The following MPDZ variants were observed in gnomAD, a reference collection of about 807,000 sequenced individuals.
MPDZ encodes the protein multiple PDZ domain crumbs cell polarity complex component.
MPDZ carries 234 observed loss-of-function variants against 239.1 expected under a neutral mutation model. The ratio of observed to expected loss-of-function variants is 0.98; its 90% confidence interval spans 0.88 to 1.09. The LOEUF (loss-of-function observed/expected upper bound fraction) is 1.09. Among genes scored for constraint, MPDZ ranks in the 50% least tolerant of loss-of-function variants. The pLI is 0.00. For missense variants in MPDZ, 3,175 were observed against 2,510.0 expected (o/e 1.26, Z -5.66); for synonymous variants, 1,048 against 881.3 (o/e 1.19, Z -3.35).
chr9:13,186,336 G>T lies in MPDZ; in HGVS notation c.2415C>A (p.Tyr805Ter), dbSNP rs373585889. Reference sequence around the variant, plus strand: ...CTGCTTCCTCACAGGAGTGTGGTGGGTAGAGAAAGGAATCCTCCTTAGCAG... The same window carrying T: ...CTGCTTCCTCACAGGAGTGTGGTGGTTAGAGAAAGGAATCCTCCTTAGCAG... ...YVSAKEDSFL[Y>*]PPHSCEEAGL... Residue 805 changes from tyrosine to a stop codon, truncating the protein, a stop_gained, in exon 18 of 47, where the codon TAC becomes TAA. Transcript: ENST00000319217. LOFTEE classifies it high-confidence loss of function. The T allele has an allele frequency of 1.3e-6, 2 of 1,593,938 alleles. No individual in the cohort carries two copies. The highest frequency in any genetic ancestry group is 1.7e-6 in the Non-Finnish European group (2 of 1,169,670).
intron 26 of MPDZ, among the ~76,000 whole-genome samples, chr9:13,145,624 T>C (rs908364129): frequency 3.3e-5 from 5 of 152,050 alleles, no homozygotes; most frequent in Non-Finnish European, 7.4e-5. Context: ...TATCTCATTT[T>C]AAATGCAAAA....
intron 3 of MPDZ, among the ~76,000 whole-genome samples, chr9:13,233,707 T>C (rs988790731): frequency 6.6e-6 from 1 of 152,158 alleles, no homozygotes; most frequent in Non-Finnish European, 1.5e-5. Flanking sequence ...GGCATTCCAG[T>C]GAATGATGTA....
intron 38 of MPDZ, chr9:13,120,749 A>T (rs1299625668): frequency 6.6e-6 from 1 of 152,184 alleles, no homozygotes. Flanking sequence ...AATTCTGAAG[A>T]ATGCCTATTT....
chr9:13,189,998 G>C (rs1286527761), intron 16 of MPDZ, 116 bp downstream of exon 16: 21 of 882,348 alleles, frequency 2.4e-5, no homozygotes, highest in Non-Finnish European at 2.3e-5. Flanking sequence ...TCACTATTTT[G>C]AAAGACTGAC....
chr9:13,115,970 A>AAAAT (rs1943377441), intron 39 of MPDZ, among the ~76,000 whole-genome samples: 2 of 151,066 alleles, frequency 1.3e-5, no homozygotes, highest in African/African-American at 4.9e-5. Context: ...AAAAAAAAAA[A>AAAAT]AAAGCGAACA....
At chr9:13,138,815 G>C (rs2132399349) in intron 28 of MPDZ, among the ~76,000 whole-genome samples, 1 of 152,334 alleles carries the variant, frequency 6.6e-6, no homozygotes, top group Non-Finnish European at 1.5e-5. Context: ...CACAGCCACA[G>C]ATGAGCGACC....
At chr9:13,175,728 A>G (rs748915150) in intron 21 of MPDZ, 24 bp downstream of exon 21, 10 of 1,559,208 alleles carry the variant, frequency 6.4e-6, no homozygotes, top group East Asian at 2.3e-5. Context: ...AGGAGTAGGT[A>G]TATGAGGAAA....
At chr9:13,156,907 C>T (rs1307282803) in intron 24 of MPDZ, among the ~76,000 whole-genome samples, 1 of 152,078 alleles carries the variant, frequency 6.6e-6, no homozygotes, top group Non-Finnish European at 1.5e-5. Flanking sequence ...ACCCTGTTCT[C>T]AATGTAGGCA....
In MPDZ at chr9:13,148,777, C is replaced by T. The variant is rs994015133; in HGVS notation, c.3631-1119G>A. Among the ~76,000 whole-genome samples the T allele has an allele frequency of 4.6e-5, 7 of 151,956 alleles. No individual in the cohort carries two copies. In the South Asian group the frequency reaches 1.0e-3, roughly 22 times the overall value. On this transcript the variant is annotated intron_variant, in intron 25 of 46. Coordinates refer to ENST00000319217, the MANE Select transcript of MPDZ (RefSeq NM_001378778.1). Reference sequence around the variant, plus strand: ...TTTTGAGAAACTCTTAGCAGAGACACGCTTTAGAATCCTCAGGATTACAGA... The same window carrying T: ...TTTTGAGAAACTCTTAGCAGAGACATGCTTTAGAATCCTCAGGATTACAGA...
rs746268904 is a variant in MPDZ at position 13,198,733 on chromosome 9, C to CTGTGTGTG, written c.1547-2504_1547-2503insCACACACA. Among the ~76,000 whole-genome samples the CTGTGTGTG allele has an allele frequency of 2.3e-3, 205 of 89,472 alleles. 4 individuals are homozygous for CTGTGTGTG. The highest frequency in any genetic ancestry group is 0.01 in the South Asian group (29 of 2,794). The allele number at this position is 89,472 out of a possible 152,430, so 58.7% of individuals were successfully genotyped here. A position where few individuals can be genotyped will look rare whatever the true frequency, so the allele number is the denominator to read the frequency against. On this transcript the variant is annotated intron_variant, in intron 12 of 46. Coordinates refer to ENST00000319217, the MANE Select transcript of MPDZ (RefSeq NM_001378778.1). ...TCTTATATTTAGGTCTTTAATCTCT[C>CTGTGTGTG]TCTCTGTGTGTGTGTGTGTGTGTGT...
At chr9:13,152,076 T>G (rs1269032989) in intron 24 of MPDZ, among the ~76,000 whole-genome samples, 1 of 152,046 alleles carries the variant, frequency 6.6e-6, no homozygotes, top group African/African-American at 2.4e-5. Flanking sequence ...ATCAAAAAAA[T>G]CAGCTACTGC....
At chr9:13,149,351 T>C (rs1214835246) in intron 25 of MPDZ, among the ~76,000 whole-genome samples, 1 of 152,052 alleles carries the variant, frequency 6.6e-6, no homozygotes, top group Non-Finnish European at 1.5e-5. Flanking sequence ...AACAAAGTCT[T>C]CCAGTGTGTA....
chr9:13,204,563 G>A (rs1956780714), intron 12 of MPDZ, among the ~76,000 whole-genome samples: 1 of 151,998 alleles, frequency 6.6e-6, no homozygotes, highest in Non-Finnish European at 1.5e-5. Flanking sequence ...TTAAATCTTG[G>A]AACCCCTGAA....
At chr9:13,261,135 A>G (rs1258326945) in intron 1 of MPDZ, among the ~76,000 whole-genome samples, 2 of 152,232 alleles carry the variant, frequency 1.3e-5, no homozygotes, top group Non-Finnish European at 2.9e-5. Flanking sequence ...GAGAAGATAG[A>G]AGGTGGCTGA....
intron 32 of MPDZ, among the ~76,000 whole-genome samples, chr9:13,129,170 A>C (rs1248877502): frequency 6.6e-6 from 1 of 152,204 alleles, no homozygotes; most frequent in Non-Finnish European, 1.5e-5. Context: ...GATATCAGAA[A>C]AGCAGGATGA....
intron 10 of MPDZ, among the ~76,000 whole-genome samples, chr9:13,208,907 A>T (rs914343554): frequency 4.6e-5 from 7 of 152,062 alleles, no homozygotes; most frequent in African/African-American, 1.7e-4. Context: ...CACCCTGCTG[A>T]TTCCCTGTTA....
Position 13,217,314 on chromosome 9 carries a change from T to C in MPDZ, c.1087-20A>G, listed in dbSNP as rs779301052. The C allele has an allele frequency of 8.4e-6, 12 of 1,436,672 alleles. No homozygotes were observed. Among genetic ancestry groups the C allele is most frequent in the East Asian group, 2.4e-5 (1 of 42,176 alleles). 89.0% of individuals were successfully genotyped at this position (1,436,672 alleles called of 1,614,324 possible). A position where few individuals can be genotyped will look rare whatever the true frequency, so the allele number is the denominator to read the frequency against. On this transcript the variant is annotated intron_variant, in intron 8 of 46. Coordinates refer to ENST00000319217, the MANE Select transcript of MPDZ (RefSeq NM_001378778.1). ...ATCAACCTAAAATAAAATCAATAAA[T>C]ATACAGTGAAATAATACGTAAAAAA...
chr9:13,236,606 TTTC>T (rs1016309671), intron 3 of MPDZ, among the ~76,000 whole-genome samples: 1 of 151,806 alleles, frequency 6.6e-6, no homozygotes, highest in African/African-American at 2.4e-5. Context: ...ATAAACTCGT[TTTC>T]TTCTTCTTTA....
intron 24 of MPDZ, among the ~76,000 whole-genome samples, chr9:13,154,612 T>C (rs977666088): frequency 7.9e-5 from 12 of 152,142 alleles, no homozygotes; most frequent in Non-Finnish European, 1.6e-4. Context: ...AAACAAAAGC[T>C]TTGGCACATA....
Sources: allele counts gnomAD v4.1 joint callset (sites outside exome capture counted in the v4.1 genomes callset), GRCh38; gene constraint gnomAD v4.1.1; transcripts MANE v1.5; gene names NCBI Gene and HGNC (gene_info 2026-07-23, HGNC 2026-07-21).